Variants in TXNL4A observed in about 807,000 individuals in gnomAD.
TXNL4A encodes the protein thioredoxin-like protein 4A.
A neutral mutation model predicts 14.6 loss-of-function variants in TXNL4A; 17 were observed. The ratio of observed to expected loss-of-function variants is 1.16; its 90% CI spans 0.80 to 1.74. TXNL4A has a LOEUF of 1.74. Among genes scored for constraint, TXNL4A ranks in the 40% most tolerant of loss-of-function variants. The pLI is 0.00. For synonymous variants in TXNL4A, 83 were observed against 70.6 expected, an observed-to-expected ratio of 1.18 and a Z score of -0.88; for missense variants, 74 against 195.2, an observed-to-expected ratio of 0.38 and a Z score of 3.70.
At chr18:80,009,558 A>C (rs1419568388) in intron 1 of TXNL4A, among the ~76,000 whole-genome samples, 1 of 152,194 alleles carries the variant, frequency 6.6e-6, no homozygotes, top group African/African-American at 2.4e-5. Context: ...GGAGGAAAGA[A>C]TTTGGCTGAG....
intron 1 of TXNL4A, among the ~76,000 whole-genome samples, chr18:80,031,072 C>T (rs866444233): frequency 3.9e-5 from 6 of 152,234 alleles, no homozygotes; most frequent in African/African-American, 1.4e-4. Context: ...TTTCCCCCAA[C>T]TAAAACAAAG....
chr18:79,992,876 T>TA (rs59567705), upstream of TXNL4A, among the ~76,000 whole-genome samples: 1,253 of 78,608 alleles, frequency 0.016, 67 homozygotes, highest in Admixed American at 0.09. Flanking sequence ...TCATCTTATG[T>TA]AAAAAAAAAA....
At chr18:79,988,688 C>T (rs1469189559), upstream of TXNL4A, 1 of 240,434 alleles carries the variant, frequency 4.2e-6, no homozygotes, top group Non-Finnish European at 8.0e-6. Context: ...GCGGCGGCGA[C>T]CTGGGCACCG....
chr18:80,012,673 C>T (rs2145116600), intron 1 of TXNL4A, among the ~76,000 whole-genome samples: 1 of 152,280 alleles, frequency 6.6e-6, no homozygotes, highest in Admixed American at 6.5e-5. Context: ...CCATTTGGAA[C>T]TATACATGCT....
chr18:80,021,136 T>C (rs937483259), intron 1 of TXNL4A, among the ~76,000 whole-genome samples: 2 of 151,732 alleles, frequency 1.3e-5, no homozygotes, highest in Admixed American at 6.6e-5. Context: ...TTGGACTCCC[T>C]GAGGCAGCAC....
Position 79,982,723 on chromosome 18 carries a change from G to C in TXNL4A, c.154-5022C>G, listed in dbSNP as rs962628135. ...CTTTCAAAAGCCGTGGCTATGGAGA[G>C]AGAGGGAAGTTACTGTGGGACTTGG... On this transcript the variant is annotated intron_variant, in intron 1 of 2. Transcript: ENST00000269601. This position sits in a 1 kb window ranked among gnomAD's most constrained non-coding sequence, Gnocchi z 4.0. 2.0e-5 allele frequency among the ~76,000 whole-genome samples: 3 copies of C among 152,182 alleles called. No individual in the cohort carries two copies. Among genetic ancestry groups the C allele is most frequent in the African/African-American group, 4.8e-5 (2 of 41,438 alleles).
chr18:80,027,098 C>T (rs948102932), intron 1 of TXNL4A, among the ~76,000 whole-genome samples: 7 of 152,086 alleles, frequency 4.6e-5, no homozygotes, highest in African/African-American at 1.7e-4. Context: ...GTTCCACTTA[C>T]GGTCTCAGTC....
upstream of TXNL4A, among the ~76,000 whole-genome samples, chr18:79,992,727 G>A (rs1464832425): frequency 6.6e-6 from 1 of 151,906 alleles, no homozygotes; most frequent in East Asian, 1.9e-4. Context: ...AATGTAAATC[G>A]ATAGCTTGTC....
At chr18:80,010,388 C>G (rs376367036) in intron 1 of TXNL4A, among the ~76,000 whole-genome samples, 52 of 152,170 alleles carry the variant, frequency 3.4e-4, no homozygotes, top group South Asian at 1.0e-3. Flanking sequence ...TGGCCCAGCA[C>G]CAGTTAGAAG....
chr18:79,998,507 A>G (rs1049624939), intron 1 of TXNL4A, among the ~76,000 whole-genome samples: 1 of 150,708 alleles, frequency 6.6e-6, no homozygotes, highest in Non-Finnish European at 1.5e-5. Flanking sequence ...ACAAAACTGG[A>G]GGTACTGCAT....
Position 79,972,169 on chromosome 18 carries a change from G to A in TXNL4A, c.*1516C>T, listed in dbSNP as rs1230866042. On this transcript the variant is annotated 3_prime_UTR_variant, in exon 3 of 3. Transcript: ENST00000269601. ...AGCCCTGTGCACCACTCCTGTGCCC[G>A]GCAGGCACCACGTGCTTCTGCGTCC... The A allele has an allele frequency of 1.3e-5, 2 of 152,234 alleles. No homozygotes were observed. Among genetic ancestry groups the A allele is most frequent in the South Asian group, 2.1e-4 (1 of 4,836 alleles). The allele number at this position is 152,234 out of a possible 1,614,324, so 9.4% of individuals were successfully genotyped here.
At chr18:80,009,367 G>T (rs984898896) in intron 1 of TXNL4A, among the ~76,000 whole-genome samples, 55 of 152,102 alleles carry the variant, frequency 3.6e-4, no homozygotes, top group Non-Finnish European at 6.5e-4. Flanking sequence ...TTCACGGGGC[G>T]TTTATCCTCC....
At chr18:80,031,119 A>G (rs1459009060) in intron 1 of TXNL4A, among the ~76,000 whole-genome samples, 1 of 152,226 alleles carries the variant, frequency 6.6e-6, no homozygotes, top group Non-Finnish European at 1.5e-5. Flanking sequence ...CGTTTTCACA[A>G]TGGAATAATG....
Position 79,988,224 on chromosome 18 carries a change from G to A in TXNL4A, c.153+16C>T, listed in dbSNP as rs1187375177. Reference sequence around the variant, plus strand: ...CGGAAGCACAGCCCGCAGAGCGGGAGAGTCCGGCGCGCTACCTTCTCGGCG... The same window carrying A: ...CGGAAGCACAGCCCGCAGAGCGGGAAAGTCCGGCGCGCTACCTTCTCGGCG... On this transcript the variant is annotated intron_variant, in intron 1 of 2. Transcript: ENST00000269601. 2.0e-6 allele frequency: 3 copies of A among 1,508,116 alleles called. No individual in the cohort carries two copies. The highest frequency in any genetic ancestry group is 2.8e-5 in the African/African-American group (2 of 71,940). 93.4% of individuals were successfully genotyped at this position (1,508,116 alleles called of 1,614,324 possible).
intron 1 of TXNL4A, among the ~76,000 whole-genome samples, chr18:80,012,994 G>A (rs1489012575): frequency 2.0e-5 from 3 of 151,854 alleles, no homozygotes; most frequent in Non-Finnish European, 2.9e-5. Context: ...CTTCTGGGTC[G>A]GGGTTTCGTA....
intron 1 of TXNL4A, among the ~76,000 whole-genome samples, chr18:80,032,205 G>A (rs979487375): frequency 2.6e-5 from 4 of 151,586 alleles, no homozygotes; most frequent in African/African-American, 7.3e-5. Context: ...AGCATTCCTC[G>A]TGACGGAGGA....
In TXNL4A at chr18:79,981,526, G is replaced by A. The variant is rs549890064; in HGVS notation, c.154-3825C>T. Among the ~76,000 whole-genome samples, 4 of 152,336 alleles carry A rather than the reference G, an allele frequency of 2.6e-5. No homozygotes were observed. In the East Asian group the frequency reaches 7.7e-4, roughly 29 times the overall value. On this transcript the variant is annotated intron_variant, in intron 1 of 2. Coordinates refer to ENST00000269601, the MANE Select transcript of TXNL4A (RefSeq NM_006701.5). Reference sequence around the variant, plus strand: ...GTCTCTACTAAAAACACAAAAATTAGCTGGGTGTGGCGGTGCACGCCTGTA... The same window carrying A: ...GTCTCTACTAAAAACACAAAAATTAACTGGGTGTGGCGGTGCACGCCTGTA...
rs1043145331 is a variant in TXNL4A at position 79,973,346 on chromosome 18, C to G, written c.*339G>C. 1 of 210,442 alleles carries G rather than the reference C, an allele frequency of 4.8e-6. No individual in the cohort carries two copies. The highest frequency in any genetic ancestry group is 9.4e-6 in the Non-Finnish European group (1 of 105,852). The allele number at this position is 210,442 out of a possible 1,614,324, so 13.0% of individuals were successfully genotyped here. On this transcript the variant is annotated 3_prime_UTR_variant, in exon 3 of 3. Coordinates refer to ENST00000269601, the MANE Select transcript of TXNL4A (RefSeq NM_006701.5). ...CACACATCTCTGTTAAAGCCCAGCT[C>G]GCGGCATATGCTGTCACCGCAGCCC...
intron 1 of TXNL4A, chr18:79,986,731 C>T (rs1395850436): frequency 1.4e-5 from 14 of 985,382 alleles, no homozygotes; most frequent in Non-Finnish European, 1.6e-5. Flanking sequence ...CTGAACACCA[C>T]CCGATGTTTA....
Sources: gnomAD v4.1 joint callset for allele counts (sites outside exome capture counted in the v4.1 genomes callset) on GRCh38, gnomAD v4.1.1 for gene constraint, Gnocchi (gnomAD v3.1) non-coding constraint, MANE v1.5 for transcripts, NCBI Gene and HGNC (gene_info 2026-07-23, HGNC 2026-07-21) for gene names.